GRIN2A: variants seen among roughly 807,000 people sequenced by gnomAD.
GRIN2A encodes the protein glutamate receptor ionotropic, NMDA 2A.
GRIN2A carries 22 observed loss-of-function variants against 113.4 expected under a neutral mutation model. That is an observed-to-expected ratio of 0.19 (90% CI 0.14 to 0.28). The LOEUF is 0.28. GRIN2A is among the 10% of genes least tolerant of loss of function. The pLI, the probability that GRIN2A is intolerant of heterozygous loss-of-function variation, is 1.00. For missense variants in GRIN2A, 1,502 were observed against 1,887.0 expected (o/e 0.80, Z 3.78); for synonymous variants, 827 against 738.4 (o/e 1.12, Z -1.94).
intron 3 of GRIN2A, among the ~76,000 whole-genome samples, chr16:9,921,023 G>T (rs2044349107): frequency 6.6e-6 from 1 of 152,002 alleles, no homozygotes; most frequent in Non-Finnish European, 1.5e-5. Context: ...ATGTCTCAAG[G>T]GACTCATTCC....
intron 2 of GRIN2A, among the ~76,000 whole-genome samples, chr16:10,086,744 A>C (rs1454410317): frequency 6.6e-6 from 1 of 152,150 alleles, no homozygotes; most frequent in African/African-American, 2.4e-5. Flanking sequence ...TGCTACCCCT[A>C]GGCTAATCCA....
intron 4 of GRIN2A, among the ~76,000 whole-genome samples, chr16:9,873,325 T>C (rs1351674593): frequency 6.6e-6 from 1 of 152,174 alleles, no homozygotes; most frequent in African/African-American, 2.4e-5. Context: ...AAAATTACAC[T>C]TGTATACCCC....
chr16:10,108,174 A>T (rs7193033), intron 2 of GRIN2A, among the ~76,000 whole-genome samples: 142,106 of 152,280 alleles, frequency 0.93, 67,102 homozygotes, highest in East Asian at 1. Context: ...GACTTACAGT[A>T]CCACATGGCT....
At chr16:9,967,667 T>C (rs895611961) in intron 2 of GRIN2A, among the ~76,000 whole-genome samples, 6 of 152,080 alleles carry the variant, frequency 3.9e-5, no homozygotes, top group South Asian at 2.1e-4. Flanking sequence ...GATCGCACCA[T>C]TGCACTGCAT....
chr16:9,783,870 C>G (rs894526020), intron 11 of GRIN2A, among the ~76,000 whole-genome samples: 11 of 152,224 alleles, frequency 7.2e-5, no homozygotes, highest in African/African-American at 2.2e-4. Context: ...AACAAAGGAA[C>G]AGAAAACCAA....
At chr16:10,160,058 G>T (rs2049780018) in intron 2 of GRIN2A, among the ~76,000 whole-genome samples, 1 of 152,194 alleles carries the variant, frequency 6.6e-6, no homozygotes, top group Non-Finnish European at 1.5e-5. Context: ...TTTGGTGCAG[G>T]GAACCTGATT....
chr16:9,990,555 GCGCGCGCGCACA>G (rs1172958997), intron 2 of GRIN2A, among the ~76,000 whole-genome samples: 2 of 106,460 alleles, frequency 1.9e-5, no homozygotes, highest in Non-Finnish European at 2.1e-5. Flanking sequence ...ACGCGCGCGC[GCGCGCGCGCACA>G]CACACACACA....
chr16:10,076,201 C>A (rs891415975), intron 2 of GRIN2A, among the ~76,000 whole-genome samples: 12 of 152,188 alleles, frequency 7.9e-5, no homozygotes, highest in Admixed American at 5.9e-4. Flanking sequence ...CTCTGAGTCA[C>A]TGGTGCAAAG....
At chr16:9,828,171 G>A (rs2141308422) in intron 9 of GRIN2A, among the ~76,000 whole-genome samples, 1 of 152,280 alleles carries the variant, frequency 6.6e-6, no homozygotes, top group East Asian at 1.9e-4. Flanking sequence ...CAAGGACACT[G>A]AGCTGAAATA....
intron 7 of GRIN2A, among the ~76,000 whole-genome samples, chr16:9,835,498 A>C (rs2042570182): frequency 6.6e-6 from 1 of 152,210 alleles, no homozygotes; most frequent in Non-Finnish European, 1.5e-5. Context: ...TATGGTATAG[A>C]TTTGCTATAA....
chr16:10,011,885 G>A (rs1015495401), intron 2 of GRIN2A, among the ~76,000 whole-genome samples: 6 of 152,088 alleles, frequency 3.9e-5, no homozygotes, highest in African/African-American at 1.4e-4. Context: ...GCTACACCAA[G>A]CTGCTCATAG....
intron 2 of GRIN2A, among the ~76,000 whole-genome samples, chr16:10,138,189 G>A (rs1274687434): frequency 1.3e-5 from 2 of 152,194 alleles, no homozygotes; most frequent in Admixed American, 6.5e-5. Context: ...AATCATATAA[G>A]TGTGTGAGAT....
intron 4 of GRIN2A, among the ~76,000 whole-genome samples, chr16:9,855,118 T>C (rs1478957964): frequency 1.3e-5 from 2 of 152,058 alleles, no homozygotes; most frequent in African/African-American, 2.4e-5. Flanking sequence ...TTCTCTCCTT[T>C]ACATGGCACA....
intron 2 of GRIN2A, among the ~76,000 whole-genome samples, chr16:9,983,117 G>T (rs2045920896): frequency 6.6e-6 from 1 of 152,056 alleles, no homozygotes; most frequent in African/African-American, 2.4e-5. Context: ...CTTGTATTTA[G>T]AACATTAAAA....
rs372184457 is a variant in GRIN2A at position 10,007,990 on chromosome 16, T to C, written c.415-69439A>G. ...CATCCTCTATAAGATACAAGTAGTA[T>C]TCTTTTTTTCACAGGGCTCTTAAGA... On this transcript the variant is annotated intron_variant, in intron 2 of 12. Coordinates refer to ENST00000330684, the MANE Select transcript of GRIN2A (RefSeq NM_001134407.3). 1.2e-4 allele frequency among the ~76,000 whole-genome samples: 18 copies of C among 152,336 alleles called. 1 individual carries two copies. Among genetic ancestry groups the C allele is most frequent in the Admixed American group, 1.1e-3 (17 of 15,300 alleles).
At chr16:9,853,561 T>A (rs989548414) in intron 4 of GRIN2A, among the ~76,000 whole-genome samples, 1 of 152,186 alleles carries the variant, frequency 6.6e-6, no homozygotes, top group Non-Finnish European at 1.5e-5. Flanking sequence ...CAAGTTTCTG[T>A]GGTTTATAAG....
intron 2 of GRIN2A, among the ~76,000 whole-genome samples, chr16:10,078,060 T>G (rs1258509344): frequency 6.6e-6 from 1 of 152,238 alleles, no homozygotes; most frequent in Non-Finnish European, 1.5e-5. Context: ...ATTGTGGTGA[T>G]GGTTCCACAG....
At chr16:10,163,065 C>G (rs1275183969) in intron 2 of GRIN2A, among the ~76,000 whole-genome samples, 1 of 152,154 alleles carries the variant, frequency 6.6e-6, no homozygotes, top group Non-Finnish European at 1.5e-5. Flanking sequence ...TGCAAATGAG[C>G]ACATCACACC....
rs1328874920 is a variant in GRIN2A at position 9,884,759 on chromosome 16, T to C, written c.1122+6227A>G. On this transcript the variant is annotated intron_variant, in intron 4 of 12. Coordinates refer to ENST00000330684, the MANE Select transcript of GRIN2A (RefSeq NM_001134407.3). ...CTCACTTAGAGAATTTCTTTTTTTT[T>C]TTTTTTTTGAGATGGAGTCTCACTC... Among the ~76,000 whole-genome samples, 6 of 149,556 alleles carry C rather than the reference T, an allele frequency of 4.0e-5. No individual in the cohort carries two copies. In the Middle Eastern group the frequency reaches 0.017, roughly 427 times the overall value.
Sources: gnomAD v4.1 joint callset for allele counts (sites outside exome capture counted in the v4.1 genomes callset) on GRCh38, gnomAD v4.1.1 for gene constraint, MANE v1.5 for transcripts, NCBI Gene and HGNC (gene_info 2026-07-23, HGNC 2026-07-21) for gene names.